Variants in AKAP19 observed in about 807,000 individuals in gnomAD.
The protein encoded by AKAP19 is small A-kinase anchoring protein.
the AKAP19 span, among the ~76,000 whole-genome samples, chr2:190,041,207 G>A: frequency 6.6e-6 from 1 of 151,914 alleles, no homozygotes; most frequent in Non-Finnish European, 1.5e-5. Context: ...TCTGTGTTTT[G>A]TAATTCTCAT....
the AKAP19 span, among the ~76,000 whole-genome samples, chr2:190,128,967 G>A: frequency 6.6e-6 from 1 of 152,116 alleles, no homozygotes; most frequent in African/African-American, 2.4e-5. Context: ...TTATGAACCT[G>A]GAATATTTTT....
chr2:189,924,174 A>T, the AKAP19 span: 2 of 1,605,822 alleles, frequency 1.2e-6, no homozygotes, highest in Non-Finnish European at 1.7e-6. Flanking sequence ...CTGAGGAAGG[A>T]GAGGATGACA....
At chr2:190,095,726 A>T in the AKAP19 span, 1 of 152,244 alleles carries the variant, frequency 6.6e-6, no homozygotes, top group African/African-American at 2.4e-5. Context: ...TCAGAGAAGA[A>T]GAGTGGATGT....
At chr2:190,084,871 G>T in the AKAP19 span, among the ~76,000 whole-genome samples, 1 of 152,232 alleles carries the variant, frequency 6.6e-6, no homozygotes, top group African/African-American at 2.4e-5. Flanking sequence ...GGGGACAGAT[G>T]GAGGGAATGC....
chr2:189,894,125 A>G, the AKAP19 span, among the ~76,000 whole-genome samples: 1 of 152,228 alleles, frequency 6.6e-6, no homozygotes, highest in Non-Finnish European at 1.5e-5. Context: ...ATTAGGTAAT[A>G]GACCAAGAAT....
At chr2:189,960,537 C>T in the AKAP19 span, among the ~76,000 whole-genome samples, 2 of 152,130 alleles carry the variant, frequency 1.3e-5, no homozygotes, top group East Asian at 3.8e-4. Flanking sequence ...TACTAGGACC[C>T]AAGCTTATGA....
At chr2:190,074,817 C>T in the AKAP19 span, among the ~76,000 whole-genome samples, 4 of 152,014 alleles carry the variant, frequency 2.6e-5, no homozygotes, top group Non-Finnish European at 4.4e-5. Context: ...ACCACTAAAC[C>T]GTAAGCTCCA....
chr2:190,149,373 G>A, the AKAP19 span, among the ~76,000 whole-genome samples: 1 of 151,660 alleles, frequency 6.6e-6, no homozygotes, highest in Non-Finnish European at 1.5e-5. Context: ...GTTTGGGTTT[G>A]GTTTGTTCTT....
the AKAP19 span, among the ~76,000 whole-genome samples, chr2:190,161,238 A>G: frequency 2.0e-5 from 3 of 152,272 alleles, no homozygotes; most frequent in East Asian, 3.9e-4. Flanking sequence ...AGAAATTACC[A>G]ATATATCATT....
chr2:190,199,280 T>C, the AKAP19 span, among the ~76,000 whole-genome samples: 3 of 152,190 alleles, frequency 2.0e-5, no homozygotes, highest in African/African-American at 7.2e-5. Context: ...GTCACAGTTA[T>C]TCAGTTCTGC....
At chr2:190,180,579 G>C in the AKAP19 span, 1 of 985,708 alleles carries the variant, frequency 1.0e-6, no homozygotes, top group Non-Finnish European at 1.2e-6. This position sits in a 1 kb window ranked among gnomAD's most constrained non-coding sequence, Gnocchi z 6.8. Context: ...GTAGTTGCGG[G>C]GGGCGTGAGG....
At chr2:190,152,384 T>C in the AKAP19 span, among the ~76,000 whole-genome samples, 1 of 152,220 alleles carries the variant, frequency 6.6e-6, no homozygotes, top group Non-Finnish European at 1.5e-5. Flanking sequence ...TATTTATTTA[T>C]TTAAAAGTCC....
the AKAP19 span, among the ~76,000 whole-genome samples, chr2:190,011,050 CTTTTTTTTTT>C: frequency 1.2e-4 from 7 of 59,576 alleles, no homozygotes; most frequent in East Asian, 3.2e-3. Context: ...CTCTCTCTCT[CTTTTTTTTTT>C]TTTTTTTTTT....
At chr2:190,198,624 C>T in the AKAP19 span, among the ~76,000 whole-genome samples, 1 of 117,816 alleles carries the variant, frequency 8.5e-6, no homozygotes, top group Non-Finnish European at 1.8e-5. Flanking sequence ...AGAGTAAGAC[C>T]CTGTCTCAAA....
chr2:190,166,553 C>T, the AKAP19 span, among the ~76,000 whole-genome samples: 1 of 151,774 alleles, frequency 6.6e-6, no homozygotes. Flanking sequence ...CCAAATCCTG[C>T]AATGTATTAA....
chr2:189,952,524 CTTTTA>C, the AKAP19 span, among the ~76,000 whole-genome samples: 1 of 151,936 alleles, frequency 6.6e-6, no homozygotes, highest in South Asian at 2.1e-4. Flanking sequence ...GAATTTAGCT[CTTTTA>C]TTTTAGGTTT....
the AKAP19 span, among the ~76,000 whole-genome samples, chr2:189,943,900 GA>G: frequency 1.3e-4 from 20 of 152,348 alleles, 1 homozygote; most frequent in African/African-American, 4.8e-4. Flanking sequence ...TTTAGAATGG[GA>G]ATGTTTACTC....
chr2:190,192,452 C>CTCTG, the AKAP19 span, among the ~76,000 whole-genome samples: 1 of 145,258 alleles, frequency 6.9e-6, no homozygotes, highest in South Asian at 2.2e-4. Context: ...AATTCAGAAT[C>CTCTG]TGTGTGTGTG....
At chr2:190,127,263 G>C in the AKAP19 span, among the ~76,000 whole-genome samples, 1 of 151,564 alleles carries the variant, frequency 6.6e-6, no homozygotes, top group South Asian at 2.1e-4. Context: ...CTTATTCAGA[G>C]GAAAAAGCAG....
Sources: allele counts gnomAD v4.1 joint callset (sites outside exome capture counted in the v4.1 genomes callset), GRCh38; gene constraint gnomAD v4.1.1; non-coding constraint Gnocchi (gnomAD v3.1); transcripts MANE v1.5; gene names NCBI Gene and HGNC (gene_info 2026-07-23, HGNC 2026-07-21).